SLC35D4: variants seen among roughly 807,000 people sequenced by gnomAD.
SLC35D4 encodes UDP-N-acetylglucosamine transporter SLC35D4.
the SLC35D4 span, among the ~76,000 whole-genome samples, chr18:23,330,422 G>GT: frequency 2.0e-5 from 3 of 151,958 alleles, no homozygotes; most frequent in Non-Finnish European, 2.9e-5. Context: ...GGTTTCTAAG[G>GT]TTTTTTTTCT....
chr18:23,396,968 C>T, the SLC35D4 span, among the ~76,000 whole-genome samples: 1 of 152,164 alleles, frequency 6.6e-6, no homozygotes, highest in African/African-American at 2.4e-5. Context: ...CTGCAGATCA[C>T]AGCTCAAGAA....
the SLC35D4 span, among the ~76,000 whole-genome samples, chr18:23,408,997 T>C: frequency 6.7e-6 from 1 of 149,538 alleles, no homozygotes; most frequent in South Asian, 2.1e-4. Context: ...TAGCCGGGCA[T>C]GGTGGTGGGC....
At chr18:23,421,509 C>T in the SLC35D4 span, 2 of 1,455,668 alleles carry the variant, frequency 1.4e-6, no homozygotes, top group Non-Finnish European at 1.9e-6. Context: ...CATCCAGCCC[C>T]AGCAGATCTG....
chr18:23,334,358 G>A, the SLC35D4 span, among the ~76,000 whole-genome samples: 1,519 of 152,252 alleles, frequency 1.0e-2, 23 homozygotes, highest in African/African-American at 0.036. Flanking sequence ...CACACAAGAA[G>A]ACTGACATGG....
the SLC35D4 span, among the ~76,000 whole-genome samples, chr18:23,323,052 CTG>C: frequency 1.3e-5 from 2 of 152,216 alleles, no homozygotes; most frequent in African/African-American, 4.8e-5. Flanking sequence ...AAGCAGAACT[CTG>C]TGCTTGTGGA....
the SLC35D4 span, among the ~76,000 whole-genome samples, chr18:23,246,583 G>A: frequency 6.6e-6 from 1 of 151,802 alleles, no homozygotes; most frequent in African/African-American, 2.4e-5. Flanking sequence ...AGTAGAGATG[G>A]GGTTTCACCG....
At chr18:23,379,567 C>A in the SLC35D4 span, among the ~76,000 whole-genome samples, 23 of 152,110 alleles carry the variant, frequency 1.5e-4, no homozygotes, top group Non-Finnish European at 7.4e-5. Flanking sequence ...ATGTTTCAGG[C>A]CAAAAGAAAA....
chr18:23,299,087 T>C, the SLC35D4 span, among the ~76,000 whole-genome samples: 1,403 of 152,324 alleles, frequency 9.2e-3, 20 homozygotes, highest in African/African-American at 0.032. Context: ...GAACTGACTA[T>C]GAGTGAGAAT....
At chr18:23,387,226 T>C in the SLC35D4 span, among the ~76,000 whole-genome samples, 1 of 152,118 alleles carries the variant, frequency 6.6e-6, no homozygotes. Context: ...TCTTTATTGT[T>C]GATAATGATA....
chr18:23,287,728 T>C, the SLC35D4 span, among the ~76,000 whole-genome samples: 1 of 152,220 alleles, frequency 6.6e-6, no homozygotes, highest in African/African-American at 2.4e-5. Flanking sequence ...TGAAGACAGC[T>C]TTAGAGACTG....
chr18:23,367,524 G>A, the SLC35D4 span, among the ~76,000 whole-genome samples: 1 of 152,024 alleles, frequency 6.6e-6, no homozygotes, highest in Admixed American at 6.6e-5. Flanking sequence ...GATGAATGGG[G>A]CTCACACCAA....
At chr18:23,333,665 G>GA in the SLC35D4 span, among the ~76,000 whole-genome samples, 52 of 152,202 alleles carry the variant, frequency 3.4e-4, no homozygotes, top group Admixed American at 3.1e-3. Flanking sequence ...CCACCTGAAG[G>GA]AAAAAATACG....
At chr18:23,324,802 C>T in the SLC35D4 span, among the ~76,000 whole-genome samples, 1 of 152,162 alleles carries the variant, frequency 6.6e-6, no homozygotes, top group Non-Finnish European at 1.5e-5. Flanking sequence ...CAGTCTACGC[C>T]ACTGAGTGTA....
chr18:23,371,926 G>GTTTTTTTTCTTT, the SLC35D4 span, among the ~76,000 whole-genome samples: 1 of 11,862 alleles, frequency 8.4e-5, no homozygotes, highest in Admixed American at 1.1e-3. Context: ...TTTCTTCCTT[G>GTTTTTTTTCTTT]TTTTTTTTGT....
chr18:23,360,386 C>T, the SLC35D4 span, among the ~76,000 whole-genome samples: 2 of 152,192 alleles, frequency 1.3e-5, no homozygotes, highest in Non-Finnish European at 2.9e-5. Flanking sequence ...CCCAGGTGAG[C>T]ATCAACAGGT....
the SLC35D4 span, chr18:23,310,321 G>C: frequency 1.0e-6 from 1 of 971,048 alleles, no homozygotes; most frequent in Non-Finnish European, 1.2e-6. Flanking sequence ...CAAATATCTA[G>C]AAGCCAGAGG....
chr18:23,283,459 GA>G, the SLC35D4 span, among the ~76,000 whole-genome samples: 2 of 112,778 alleles, frequency 1.8e-5, no homozygotes, highest in Non-Finnish European at 3.3e-5. Context: ...ACAACACAGA[GA>G]GACCCAGTCT....
the SLC35D4 span, among the ~76,000 whole-genome samples, chr18:23,351,597 A>G: frequency 6.6e-6 from 1 of 152,216 alleles, no homozygotes; most frequent in East Asian, 1.9e-4. Context: ...TAATTAATTA[A>G]GGAGGCTTAC....
chr18:23,286,670 C>T, the SLC35D4 span, among the ~76,000 whole-genome samples: 1 of 152,010 alleles, frequency 6.6e-6, no homozygotes, highest in African/African-American at 2.4e-5. Flanking sequence ...TTTCAAGGGC[C>T]TGTTTCCCTT....
Sources: gnomAD v4.1 joint callset for allele counts (sites outside exome capture counted in the v4.1 genomes callset) on GRCh38, gnomAD v4.1.1 for gene constraint, MANE v1.5 for transcripts, NCBI Gene and HGNC (gene_info 2026-07-23, HGNC 2026-07-21) for gene names.